Variants in LEF1 observed in about 807,000 individuals in gnomAD.
The protein encoded by LEF1 is lymphoid enhancer binding factor 1, also known as lymphoid enhancer-binding factor 1.
Under a neutral mutation model 51.2 loss-of-function variants are expected in LEF1, and 14 were observed. The ratio of observed to expected loss-of-function variants is 0.27; its 90% CI spans 0.18 to 0.43. LEF1 has a LOEUF of 0.43. Among genes scored for constraint, LEF1 ranks in the 20% least tolerant of loss-of-function variants. LEF1 has a pLI of 1.00. For synonymous variants in LEF1, 185 were observed against 183.2 expected, an observed-to-expected ratio of 1.01 and a Z score of -0.08; for missense variants, 386 against 512.0, an observed-to-expected ratio of 0.75 and a Z score of 2.37.
chr4:108,161,677 G>A (rs915986817), intron 3 of LEF1, among the ~76,000 whole-genome samples: 7 of 152,108 alleles, frequency 4.6e-5, no homozygotes, highest in African/African-American at 1.2e-4. Flanking sequence ...AATATTCTTA[G>A]GGATTGCTTA....
chr4:108,106,164 T>C (rs1741152769), intron 3 of LEF1, among the ~76,000 whole-genome samples: 1 of 152,046 alleles, frequency 6.6e-6, no homozygotes, highest in Admixed American at 6.5e-5. Flanking sequence ...AGTACTTAAG[T>C]AAATAAATGC....
At chr4:108,130,694 C>T (rs182489038) in intron 3 of LEF1, among the ~76,000 whole-genome samples, 106 of 150,572 alleles carry the variant, frequency 7.0e-4, no homozygotes, top group South Asian at 1.7e-3. Context: ...CATGCCACTG[C>T]ACTCCAGCCT....
intron 3 of LEF1, among the ~76,000 whole-genome samples, chr4:108,099,690 G>T (rs1231808114): frequency 6.8e-6 from 1 of 147,720 alleles, no homozygotes; most frequent in African/African-American, 2.5e-5. Flanking sequence ...ACGTGCCCTG[G>T]TGGTTTGCCG....
intron 3 of LEF1, among the ~76,000 whole-genome samples, chr4:108,118,847 T>C (rs1741994978): frequency 6.6e-6 from 1 of 152,074 alleles, no homozygotes; most frequent in Admixed American, 6.6e-5. Context: ...ACCAGACCTG[T>C]TTTCTGGGTT....
intron 3 of LEF1, among the ~76,000 whole-genome samples, chr4:108,111,543 A>G (rs1031317799): frequency 6.6e-6 from 1 of 152,198 alleles, no homozygotes; most frequent in Non-Finnish European, 1.5e-5. Flanking sequence ...CCTAACTGTC[A>G]TTTATTACCA....
chr4:108,163,851 AT>A, intron 2 of LEF1, 150 bp from the exon 3 acceptor site: 1 of 804,506 alleles, frequency 1.2e-6, no homozygotes, highest in Non-Finnish European at 1.9e-6. Context: ...ATTATGCTCT[AT>A]TTTAGATTGA....
chr4:108,066,340 A>G (rs1038912435), intron 9 of LEF1, among the ~76,000 whole-genome samples: 5 of 152,082 alleles, frequency 3.3e-5, no homozygotes, highest in Non-Finnish European at 5.9e-5. Context: ...CAACCCTTCA[A>G]CCCGTGTCTC....
intron 3 of LEF1, among the ~76,000 whole-genome samples, chr4:108,110,111 G>T (rs1386070031): frequency 6.6e-6 from 1 of 152,212 alleles, no homozygotes; most frequent in Non-Finnish European, 1.5e-5. Context: ...TAGGAGGGGA[G>T]ATGCAGAAGA....
At chr4:108,083,915 T>A (rs918267783) in intron 4 of LEF1, among the ~76,000 whole-genome samples, 7 of 152,208 alleles carry the variant, frequency 4.6e-5, no homozygotes, top group Non-Finnish European at 1.0e-4. Flanking sequence ...TTGGGAAATG[T>A]GACACCTCAG....
intron 3 of LEF1, among the ~76,000 whole-genome samples, chr4:108,135,914 C>A (rs892976284): frequency 5.9e-5 from 9 of 152,156 alleles, no homozygotes; most frequent in Non-Finnish European, 1.3e-4. Context: ...CCCAATCCTG[C>A]CCAAATGTGA....
chr4:108,060,241 C>A (rs1737580955), intron 11 of LEF1, among the ~76,000 whole-genome samples: 1 of 152,068 alleles, frequency 6.6e-6, no homozygotes, highest in South Asian at 2.1e-4. Context: ...CGTGCAGAAG[C>A]TTTATAGTTA....
At chr4:108,163,390 A>C (rs1030927784) in intron 3 of LEF1, among the ~76,000 whole-genome samples, 178 bp downstream of exon 3, 1 of 152,234 alleles carries the variant, frequency 6.6e-6, no homozygotes, top group Non-Finnish European at 1.5e-5. Flanking sequence ...TTCAAAGGCA[A>C]GACATCAAAG....
At chr4:108,158,597 T>A (rs1218601435) in intron 3 of LEF1, among the ~76,000 whole-genome samples, 1 of 152,108 alleles carries the variant, frequency 6.6e-6, no homozygotes, top group Non-Finnish European at 1.5e-5. Context: ...GAAATCAGCT[T>A]TATAAAATTC....
At chr4:108,094,379 C>G (rs1740243639) in intron 3 of LEF1, among the ~76,000 whole-genome samples, 1 of 152,200 alleles carries the variant, frequency 6.6e-6, no homozygotes, top group Non-Finnish European at 1.5e-5. Flanking sequence ...GGCATCACAG[C>G]CAATAAAACC....
At chr4:108,082,902 G>T (rs1490464710) in intron 5 of LEF1, among the ~76,000 whole-genome samples, 3 of 152,070 alleles carry the variant, frequency 2.0e-5, no homozygotes, top group African/African-American at 7.2e-5. Context: ...TCCAAAAAAT[G>T]CTCTTATATT....
intron 3 of LEF1, among the ~76,000 whole-genome samples, chr4:108,114,556 C>A (rs1741720033): frequency 6.6e-6 from 1 of 152,030 alleles, no homozygotes; most frequent in South Asian, 2.1e-4. Flanking sequence ...GGGAAACAGC[C>A]CCAAGTGATG....
At chr4:108,144,173 A>T (rs899771240) in intron 3 of LEF1, among the ~76,000 whole-genome samples, 6 of 152,182 alleles carry the variant, frequency 3.9e-5, no homozygotes, top group Non-Finnish European at 8.8e-5. Context: ...ATTTACTCTT[A>T]AAAACCTTTA....
intron 3 of LEF1, among the ~76,000 whole-genome samples, chr4:108,134,588 T>C (rs1743134624): frequency 6.6e-6 from 1 of 152,178 alleles, no homozygotes; most frequent in Non-Finnish European, 1.5e-5. Context: ...GACATACAGA[T>C]GAAGGATTAA....
At chr4:108,128,640 T>C (rs1742688393) in intron 3 of LEF1, among the ~76,000 whole-genome samples, 1 of 152,122 alleles carries the variant, frequency 6.6e-6, no homozygotes. Context: ...ATATGTTCAT[T>C]TGAGCTAGCA....
Sources: gnomAD v4.1 joint callset for allele counts (sites outside exome capture counted in the v4.1 genomes callset) on GRCh38, gnomAD v4.1.1 for gene constraint, MANE v1.5 for transcripts, NCBI Gene and HGNC (gene_info 2026-07-23, HGNC 2026-07-21) for gene names.